SPPL3: variants seen among roughly 807,000 people sequenced by gnomAD.
SPPL3 encodes the protein signal peptide peptidase like 3.
A neutral mutation model predicts 42.4 loss-of-function variants in SPPL3; 5 were observed. The observed-to-expected ratio is 0.12, with a 90% CI of 0.06 to 0.25. The LOEUF (loss-of-function observed/expected upper bound fraction) is 0.25. Among genes scored for constraint, SPPL3 ranks in the 10% least tolerant of loss-of-function variants. The pLI, the probability that SPPL3 is intolerant of heterozygous loss-of-function variation, is 1.00. For synonymous variants in SPPL3, 195 were observed against 181.8 expected, an observed-to-expected ratio of 1.07 and a Z score of -0.58; for missense variants, 235 against 489.0, an observed-to-expected ratio of 0.48 and a Z score of 4.90.
chr12:120,835,143 T>C (rs954744247), intron 1 of SPPL3, among the ~76,000 whole-genome samples: 23 of 152,234 alleles, frequency 1.5e-4, no homozygotes, highest in South Asian at 1.4e-3. Flanking sequence ...TCCAACTTCC[T>C]TTTAATGATG....
intron 1 of SPPL3, among the ~76,000 whole-genome samples, chr12:120,815,664 A>C (rs1035601759): frequency 6.6e-5 from 10 of 152,150 alleles, no homozygotes; most frequent in Non-Finnish European, 1.0e-4. Flanking sequence ...ACATCTCTCA[A>C]ATCAATGGAG....
chr12:120,879,073 A>G (rs974436668), intron 1 of SPPL3, among the ~76,000 whole-genome samples: 1 of 133,104 alleles, frequency 7.5e-6, no homozygotes, highest in African/African-American at 2.7e-5. Flanking sequence ...AGATCGCGCC[A>G]TTGCACTCCA....
intron 1 of SPPL3, among the ~76,000 whole-genome samples, chr12:120,900,217 C>T (rs1566073912): frequency 6.6e-6 from 1 of 152,072 alleles, no homozygotes; most frequent in Non-Finnish European, 1.5e-5. Context: ...TTATATTCTT[C>T]ACCGAGTCCA....
intron 1 of SPPL3, among the ~76,000 whole-genome samples, chr12:120,898,630 G>C (rs745554479): frequency 2.0e-5 from 3 of 152,016 alleles, no homozygotes; most frequent in Admixed American, 2.0e-4. Context: ...ACCCAGCAAA[G>C]AGGCTAATAC....
In SPPL3 at chr12:120,849,539, T is replaced by C. The variant is rs556520584; in HGVS notation, c.24-38653A>G. Among the ~76,000 whole-genome samples the C allele has an allele frequency of 2.0e-5, 3 of 152,356 alleles. No homozygotes were observed. In the South Asian group the frequency reaches 6.2e-4, roughly 32 times the overall value. On this transcript the variant is annotated intron_variant, in intron 1 of 10. Coordinates refer to ENST00000353487, the MANE Select transcript of SPPL3 (RefSeq NM_139015.5). The stretch of plus-strand genomic sequence containing the variant: ...GTAGACATGTTGAGAAGATTTCCTT[T>C]GAATTTTACTTAGAAAATCCAAACA...
intron 3 of SPPL3, among the ~76,000 whole-genome samples, chr12:120,785,367 T>C (rs1475424179): frequency 1.3e-5 from 2 of 152,196 alleles, no homozygotes; most frequent in Non-Finnish European, 2.9e-5. Context: ...TTCTCAATTC[T>C]TGGCTTCCCA....
intron 1 of SPPL3, among the ~76,000 whole-genome samples, chr12:120,885,175 A>G (rs1873415023): frequency 6.6e-6 from 1 of 152,232 alleles, no homozygotes; most frequent in African/African-American, 2.4e-5. Flanking sequence ...CATTTCAAAA[A>G]TGAAGCTAAT....
At chr12:120,775,950 G>T (rs1241804744) in intron 6 of SPPL3, among the ~76,000 whole-genome samples, 1 of 151,880 alleles carries the variant, frequency 6.6e-6, no homozygotes, top group Non-Finnish European at 1.5e-5. Flanking sequence ...GATGATTTCA[G>T]ATTCTGCAGA....
At chr12:120,883,169 G>C (rs921272560) in intron 1 of SPPL3, among the ~76,000 whole-genome samples, 1 of 152,010 alleles carries the variant, frequency 6.6e-6, no homozygotes, top group South Asian at 2.1e-4. Context: ...GCCAGGCGTG[G>C]TGGCGGGCAC....
chr12:120,810,750 G>C (rs1870655712), intron 2 of SPPL3, 59 bp downstream of exon 2: 1 of 1,361,864 alleles, frequency 7.3e-7, no homozygotes, highest in Non-Finnish European at 1.0e-6. Flanking sequence ...AGCACTTTCA[G>C]AGCAATGCTT....
intron 1 of SPPL3, among the ~76,000 whole-genome samples, chr12:120,884,372 G>A (rs1371627542): frequency 6.6e-6 from 1 of 152,026 alleles, no homozygotes; most frequent in Non-Finnish European, 1.5e-5. Flanking sequence ...TGAAAGCACA[G>A]TATAAACCTG....
rs866676828 is a variant in SPPL3, at chr12:120,807,285, C to A, written c.101+3524G>T. On this transcript the variant is annotated intron_variant, in intron 2 of 10. Coordinates refer to ENST00000353487, the MANE Select transcript of SPPL3 (RefSeq NM_139015.5). ...GACAATGCGTTTCAGAAAGCCCTTA[C>A]CTGTCACCGAAGGGTACACTAAAAA... Among the ~76,000 whole-genome samples, 6 of 152,212 alleles carry A rather than the reference C, an allele frequency of 3.9e-5. No individual in the cohort carries two copies. The South Asian group carries it at 1.2e-3, about 32-fold the overall frequency.
chr12:120,836,665 C>T (rs545386651), intron 1 of SPPL3, among the ~76,000 whole-genome samples: 5 of 152,202 alleles, frequency 3.3e-5, no homozygotes, highest in Admixed American at 6.5e-5. Flanking sequence ...AGTTAGGGAC[C>T]GGAGTGAGAA....
chr12:120,825,481 A>C (rs1195854385), intron 1 of SPPL3, among the ~76,000 whole-genome samples: 2 of 152,212 alleles, frequency 1.3e-5, no homozygotes, highest in East Asian at 1.9e-4. Context: ...AACAAATCCC[A>C]AAAGAATAAA....
At chr12:120,897,584 G>A (rs765949924) in intron 1 of SPPL3, among the ~76,000 whole-genome samples, 6 of 152,092 alleles carry the variant, frequency 3.9e-5, no homozygotes, top group African/African-American at 1.4e-4. Context: ...TTAGCTGGGC[G>A]TGGTGGCGGG....
At chr12:120,797,587 T>C (rs1488939582) in intron 2 of SPPL3, among the ~76,000 whole-genome samples, 1 of 152,196 alleles carries the variant, frequency 6.6e-6, no homozygotes, top group Non-Finnish European at 1.5e-5. Context: ...CAAGTGGCTC[T>C]AGGTAGTTCT....
Position 120,873,558 on chromosome 12 carries a change from G to A in SPPL3, c.23+30287C>T, listed in dbSNP as rs1593005731. ...AAACTTCAAGTGTCCAGAAGGAAAA[G>A]GCCGTATTATTCAGAGAAACAAAAA... On this transcript the variant is annotated intron_variant, in intron 1 of 10. Coordinates refer to ENST00000353487, the MANE Select transcript of SPPL3 (RefSeq NM_139015.5). Among the ~76,000 whole-genome samples, 3 of 152,194 alleles carry A rather than the reference G, an allele frequency of 2.0e-5. No individual in the cohort carries two copies. The East Asian group carries it at 5.8e-4, about 29-fold the overall frequency.
intron 2 of SPPL3, among the ~76,000 whole-genome samples, chr12:120,799,019 T>C (rs905889277): frequency 6.6e-6 from 1 of 152,206 alleles, no homozygotes; most frequent in Non-Finnish European, 1.5e-5. Context: ...TATTTATAAC[T>C]CCATCCTGGA....
intron 2 of SPPL3, among the ~76,000 whole-genome samples, chr12:120,798,425 G>C (rs1267723366): frequency 6.6e-6 from 1 of 152,190 alleles, no homozygotes; most frequent in Non-Finnish European, 1.5e-5. Flanking sequence ...CAACAAACTA[G>C]ATGTAGTATT....
Sources: allele counts gnomAD v4.1 joint callset (sites outside exome capture counted in the v4.1 genomes callset), GRCh38; gene constraint gnomAD v4.1.1; transcripts MANE v1.5; gene names NCBI Gene and HGNC (gene_info 2026-07-23, HGNC 2026-07-21).